The following RARB variants were observed in gnomAD, a reference collection of about 807,000 sequenced individuals.
The protein encoded by RARB is retinoic acid receptor beta.
Under a neutral mutation model 51.9 loss-of-function variants are expected in RARB, and 17 were observed. The observed-to-expected ratio is 0.33, with a 90% confidence interval of 0.22 to 0.49. The LOEUF (loss-of-function observed/expected upper bound fraction) is 0.49. RARB is among the 20% of genes least tolerant of loss of function. RARB has a pLI of 0.99. For synonymous variants in RARB, 215 were observed against 195.4 expected, an observed-to-expected ratio of 1.10 and a Z score of -0.84; for missense variants, 369 against 550.8, an observed-to-expected ratio of 0.67 and a Z score of 3.30.
At chr3:25,146,492 G>GTT (rs751190061) in intron 4 of RARB, among the ~76,000 whole-genome samples, 3 of 126,328 alleles carry the variant, frequency 2.4e-5, no homozygotes, top group South Asian at 2.4e-4. Flanking sequence ...AATTTGCTAA[G>GTT]TTTTTTGTTT....
At chr3:25,379,249 A>G (rs1410200165) in intron 5 of RARB, among the ~76,000 whole-genome samples, 1 of 152,174 alleles carries the variant, frequency 6.6e-6, no homozygotes, top group East Asian at 1.9e-4. Flanking sequence ...GGGCATGGAA[A>G]CATTTGTTAT....
intron 3 of RARB, among the ~76,000 whole-genome samples, chr3:25,081,606 TA>T (rs57542195): frequency 0.11 from 1,899 of 17,044 alleles, 123 homozygotes; most frequent in Non-Finnish European, 0.15. Flanking sequence ...TATATATATA[TA>T]TATATATATA....
intron 5 of RARB, among the ~76,000 whole-genome samples, chr3:25,225,432 C>T (rs1371196462): frequency 6.6e-6 from 1 of 152,112 alleles, no homozygotes; most frequent in Non-Finnish European, 1.5e-5. Context: ...AATATAAATG[C>T]TTTCAAGGTG....
chr3:25,259,614 C>T (rs571968840), intron 5 of RARB, among the ~76,000 whole-genome samples: 2 of 152,270 alleles, frequency 1.3e-5, no homozygotes, highest in East Asian at 3.9e-4. Flanking sequence ...AAGTAAACTT[C>T]CATTGTGTGA....
chr3:24,934,625 T>G (rs1695512443), intron 2 of RARB, among the ~76,000 whole-genome samples: 1 of 152,134 alleles, frequency 6.6e-6, no homozygotes, highest in South Asian at 2.1e-4. Flanking sequence ...TGTAGCTACA[T>G]TTAGTAAAAG....
At chr3:24,877,805 C>T (rs185414221) in intron 2 of RARB, among the ~76,000 whole-genome samples, 2 of 152,298 alleles carry the variant, frequency 1.3e-5, no homozygotes, top group African/African-American at 4.8e-5. Context: ...ATCCTCAGGT[C>T]ACCATGCTGG....
At chr3:25,072,716 A>AT (rs200445618) in intron 3 of RARB, among the ~76,000 whole-genome samples, 11,262 of 148,642 alleles carry the variant, frequency 0.076, 707 homozygotes, top group East Asian at 0.24. Flanking sequence ...TTTTTTATTT[A>AT]TTTTTTTTTT....
intron 2 of RARB, among the ~76,000 whole-genome samples, chr3:24,986,705 T>C (rs1696800605): frequency 6.6e-6 from 1 of 152,096 alleles, no homozygotes; most frequent in African/African-American, 2.4e-5. Flanking sequence ...GCGTGTGTGT[T>C]TTATGGTTCA....
chr3:25,371,621 G>C (rs939011820), intron 5 of RARB, among the ~76,000 whole-genome samples: 2 of 152,232 alleles, frequency 1.3e-5, no homozygotes, highest in African/African-American at 4.8e-5. Context: ...GGATCAATAA[G>C]TGTTTTAAAT....
chr3:25,262,346 C>A (rs1471662311), intron 5 of RARB, among the ~76,000 whole-genome samples: 1 of 152,150 alleles, frequency 6.6e-6, no homozygotes, highest in Non-Finnish European at 1.5e-5. Flanking sequence ...GCAAGTTAGG[C>A]TCTATCCTGT....
chr3:25,594,816 G>T, intron 7 of RARB, 138 bp downstream of exon 7: 3 of 687,248 alleles, frequency 4.4e-6, no homozygotes, highest in Non-Finnish European at 6.2e-6. Context: ...AAATCAAAAG[G>T]AAATACTATC....
chr3:25,567,817 A>G (rs1054093785), intron 3 of RARB, among the ~76,000 whole-genome samples: 2 of 152,128 alleles, frequency 1.3e-5, no homozygotes, highest in African/African-American at 2.4e-5. Context: ...AGGCCGAGGA[A>G]AAGAGGGGGG....
chr3:25,466,271 T>C (rs534850656), intron 2 of RARB, among the ~76,000 whole-genome samples: 12 of 152,346 alleles, frequency 7.9e-5, no homozygotes, highest in African/African-American at 2.9e-4. Flanking sequence ...CACTGCAACC[T>C]CTGCCTCCCG....
intron 5 of RARB, among the ~76,000 whole-genome samples, chr3:25,309,529 G>A (rs1427317080): frequency 7.3e-5 from 8 of 108,948 alleles, no homozygotes; most frequent in South Asian, 6.3e-4. Flanking sequence ...ATAGAGTCTC[G>A]CCCTGTCGCC....
intron 5 of RARB, among the ~76,000 whole-genome samples, chr3:25,213,556 A>G (rs1331264445): frequency 6.6e-6 from 1 of 152,220 alleles, no homozygotes; most frequent in Admixed American, 6.5e-5. Context: ...GACCACGTGC[A>G]CATTACCAGA....
At chr3:24,944,602 T>C (rs1338669976) in intron 2 of RARB, among the ~76,000 whole-genome samples, 4 of 152,338 alleles carry the variant, frequency 2.6e-5, no homozygotes, top group East Asian at 1.9e-4. Context: ...TTCAGTCATA[T>C]AGAGTGTGGA....
intron 3 of RARB, among the ~76,000 whole-genome samples, chr3:25,110,828 C>T (rs1049704381): frequency 1.3e-5 from 2 of 152,028 alleles, no homozygotes; most frequent in East Asian, 1.9e-4. Context: ...TTAGCTTTGC[C>T]CCAGGTATCA....
Position 25,501,229 on chromosome 3 carries a change from C to T in RARB, c.354C>T (p.His118=). The change falls in exon 3 of 8, where the codon CAC becomes CAT. Residue 118 remains histidine, a synonymous_variant. Coordinates refer to ENST00000330688, the MANE Select transcript of RARB (RefSeq NM_000965.5). The part of the protein sequence containing the change: ...SIQKNMIYTC[H]RDKNCVINKV... ...AGAAGAATATGATTTACACTTGTCACCGAGATAAGAACTGTGTTATTAATA... is the reference window on the plus strand; with the variant it reads ...AGAAGAATATGATTTACACTTGTCATCGAGATAAGAACTGTGTTATTAATA... 6.2e-7 allele frequency: 1 copy of T among 1,608,794 alleles called. No homozygotes were observed. Among genetic ancestry groups the T allele is most frequent in the Non-Finnish European group, 8.5e-7 (1 of 1,178,368 alleles).
rs985116206 is a variant in RARB at position 25,436,162 on chromosome 3, T to C, written c.157+7274T>C. ...GCACCTTTCTTTCGCTCTTGCTGCC[T>C]GTTTTGAGGATTTGCATGTGAAAGT... On this transcript the variant is annotated intron_variant, in intron 1 of 7. Coordinates refer to ENST00000330688, the MANE Select transcript of RARB (RefSeq NM_000965.5). 2.0e-5 allele frequency among the ~76,000 whole-genome samples: 3 copies of C among 152,360 alleles called. No homozygotes were observed. The East Asian group carries it at 5.8e-4, about 29-fold the overall frequency.
Sources: allele counts gnomAD v4.1 joint callset (sites outside exome capture counted in the v4.1 genomes callset), GRCh38; gene constraint gnomAD v4.1.1; transcripts MANE v1.5; gene names NCBI Gene and HGNC (gene_info 2026-07-23, HGNC 2026-07-21).